FRMD4A: variants seen among roughly 807,000 people sequenced by gnomAD.
The protein encoded by FRMD4A is FERM domain containing 4A.
A neutral mutation model predicts 129.1 loss-of-function variants in FRMD4A; 29 were observed. The observed-to-expected ratio is 0.22, with a 90% CI of 0.17 to 0.31. The LOEUF (loss-of-function observed/expected upper bound fraction) is 0.31. Ranked by LOEUF, FRMD4A falls within the 10% of genes least tolerant of loss-of-function variation. The pLI, the probability that FRMD4A is intolerant of heterozygous loss-of-function variation, is 1.00. For synonymous variants in FRMD4A, 634 were observed against 571.6 expected (o/e 1.11, Z -1.56); for missense variants, 1,272 against 1,375.8 (o/e 0.92, Z 1.19).
intron 2 of FRMD4A, among the ~76,000 whole-genome samples, chr10:14,258,523 T>A (rs1488263052): frequency 6.6e-6 from 1 of 152,200 alleles, no homozygotes; most frequent in Non-Finnish European, 1.5e-5. Context: ...CTATCCGAAT[T>A]GTTAAAGTTG....
chr10:13,735,634 G>A (rs1429825610), intron 12 of FRMD4A, among the ~76,000 whole-genome samples: 2 of 152,184 alleles, frequency 1.3e-5, no homozygotes, highest in East Asian at 3.8e-4. Flanking sequence ...AACCAAACAA[G>A]TATGAATACT....
intron 11 of FRMD4A, 87 bp from the exon 12 acceptor site, chr10:13,738,017 C>T (rs748076065): frequency 1.8e-4 from 140 of 766,790 alleles, no homozygotes; most frequent in Middle Eastern, 3.1e-4. Context: ...CAGGGGCAGA[C>T]GAGGGAAAGG....
intron 2 of FRMD4A, among the ~76,000 whole-genome samples, chr10:14,123,352 C>T (rs939777933): frequency 6.6e-6 from 1 of 152,184 alleles, no homozygotes; most frequent in African/African-American, 2.4e-5. Context: ...TTCCTTCATG[C>T]CAGCATCTTT....
At chr10:14,251,097 G>A (rs1245114717) in intron 2 of FRMD4A, among the ~76,000 whole-genome samples, 4 of 152,090 alleles carry the variant, frequency 2.6e-5, no homozygotes, top group African/African-American at 9.7e-5. Flanking sequence ...CCTCAAGACA[G>A]CCCCCAATGA....
intron 2 of FRMD4A, among the ~76,000 whole-genome samples, chr10:14,238,980 A>G (rs1843933234): frequency 6.6e-6 from 1 of 152,078 alleles, no homozygotes; most frequent in Admixed American, 6.5e-5. Flanking sequence ...TGTAAATAGG[A>G]GGTGCTTTTT....
At chr10:14,272,141 T>A (rs546888307) in intron 2 of FRMD4A, among the ~76,000 whole-genome samples, 1 of 152,302 alleles carries the variant, frequency 6.6e-6, no homozygotes, top group South Asian at 2.1e-4. Context: ...TTTGTTTTTT[T>A]TCTCATGTAA....
chr10:14,015,368 C>T (rs934030915), intron 2 of FRMD4A, among the ~76,000 whole-genome samples: 3 of 148,260 alleles, frequency 2.0e-5, no homozygotes, highest in Non-Finnish European at 3.0e-5. Context: ...TTTCTCCTTC[C>T]TTCCTTCCTT....
At chr10:14,034,882 G>C (rs1833423635) in intron 2 of FRMD4A, among the ~76,000 whole-genome samples, 1 of 152,146 alleles carries the variant, frequency 6.6e-6, no homozygotes, top group Non-Finnish European at 1.5e-5. Flanking sequence ...ATTTCCTGGT[G>C]GGAGGACATG....
intron 3 of FRMD4A, among the ~76,000 whole-genome samples, chr10:13,847,642 G>T (rs1042771109): frequency 2.0e-5 from 3 of 152,160 alleles, no homozygotes; most frequent in Non-Finnish European, 4.4e-5. Context: ...AAAGGACAGG[G>T]TCCAGCGGGT....
At chr10:14,241,365 T>C (rs1844034246) in intron 2 of FRMD4A, among the ~76,000 whole-genome samples, 1 of 152,138 alleles carries the variant, frequency 6.6e-6, no homozygotes, top group Non-Finnish European at 1.5e-5. Flanking sequence ...TCTGAACTTG[T>C]TTTTTGAAAA....
At chr10:14,267,807 T>G (rs1342155628) in intron 2 of FRMD4A, among the ~76,000 whole-genome samples, 1 of 152,180 alleles carries the variant, frequency 6.6e-6, no homozygotes, top group Non-Finnish European at 1.5e-5. Flanking sequence ...AAAACTCGAT[T>G]GCCATATTAT....
intron 2 of FRMD4A, among the ~76,000 whole-genome samples, chr10:14,324,872 G>C (rs1843208062): frequency 1.3e-5 from 2 of 152,300 alleles, no homozygotes; most frequent in Admixed American, 1.3e-4. Context: ...TGTTGGCCAA[G>C]CTAGTCTCAA....
At position 13,924,250 on chromosome 10, in the gene FRMD4A, C is replaced by T. The variant is rs533590343; in HGVS notation, c.46-65338G>A. On this transcript the variant is annotated intron_variant, in intron 2 of 24. Coordinates refer to ENST00000357447, the MANE Select transcript of FRMD4A (RefSeq NM_018027.5). ...CATGGCCTGAGTAATCCTTTAAAAT[C>T]GTAAGCCAGATCACATTACACTCCA... is the stretch of plus-strand genomic sequence containing the variant. Among the ~76,000 whole-genome samples the T allele has an allele frequency of 5.2e-4, 79 of 152,242 alleles. 1 individual carries two copies. Among genetic ancestry groups the T allele is most frequent in the African/African-American group, 1.8e-3 (75 of 41,536 alleles).
At chr10:14,033,081 C>T (rs992196831) in intron 2 of FRMD4A, among the ~76,000 whole-genome samples, 36 of 151,962 alleles carry the variant, frequency 2.4e-4, no homozygotes, top group African/African-American at 8.5e-4. Context: ...CTGAGGTGGG[C>T]GGATCACCTG....
chr10:13,966,285 A>C (rs185681467), intron 2 of FRMD4A, among the ~76,000 whole-genome samples: 40 of 152,242 alleles, frequency 2.6e-4, no homozygotes, highest in South Asian at 2.5e-3. Context: ...GGCCTCCCAA[A>C]GTGTAAGTTT....
At chr10:13,690,245 G>A (rs150545626) in intron 15 of FRMD4A, among the ~76,000 whole-genome samples, 1 of 152,334 alleles carries the variant, frequency 6.6e-6, no homozygotes, top group East Asian at 1.9e-4. Flanking sequence ...AGAAAGGCAG[G>A]AAGAAAGGGA....
intron 2 of FRMD4A, among the ~76,000 whole-genome samples, chr10:13,969,965 C>A (rs1208754448): frequency 6.6e-6 from 1 of 152,220 alleles, no homozygotes; most frequent in South Asian, 2.1e-4. Flanking sequence ...TAAGTAATTA[C>A]CCCCACATAC....
chr10:13,809,709 C>T (rs565518463), intron 4 of FRMD4A, among the ~76,000 whole-genome samples: 1 of 152,302 alleles, frequency 6.6e-6, no homozygotes, highest in African/African-American at 2.4e-5. Flanking sequence ...TGTGGCTTTG[C>T]TCCTGCTGCC....
chr10:13,812,196 T>C (rs145155681), intron 3 of FRMD4A, among the ~76,000 whole-genome samples: 234 of 152,340 alleles, frequency 1.5e-3, no homozygotes, highest in Non-Finnish European at 2.7e-3. Flanking sequence ...GGTTTCTTAT[T>C]TCACTTTTTG....
Sources: gnomAD v4.1 joint callset for allele counts (sites outside exome capture counted in the v4.1 genomes callset) on GRCh38, gnomAD v4.1.1 for gene constraint, MANE v1.5 for transcripts, NCBI Gene and HGNC (gene_info 2026-07-23, HGNC 2026-07-21) for gene names.